The following NXPE4 variants were observed in gnomAD, a reference collection of about 807,000 sequenced individuals.
NXPE4 encodes the protein NXPE family member 4.
In NXPE4, 42 loss-of-function variants were observed where a neutral mutation model predicts 33.3. The observed-to-expected ratio is 1.26, with a 90% CI of 0.98 to 1.63. The LOEUF is 1.63. Ranked by LOEUF, NXPE4 falls within the 40% of genes most tolerant of loss-of-function variation. The probability of loss-of-function intolerance (pLI) is 0.00; values close to 1 mark genes in which losing one functional copy is unlikely to be tolerated. For missense variants in NXPE4, 709 were observed against 647.6 expected (o/e 1.09, Z -1.03); for synonymous variants, 253 against 234.9 (o/e 1.08, Z -0.71).
At chr11:114,651,785 C>G in the NXPE4 span, among the ~76,000 whole-genome samples, 1 of 152,090 alleles carries the variant, frequency 6.6e-6, no homozygotes, top group Non-Finnish European at 1.5e-5. Context: ...GTTTACAAAC[C>G]TTTAGCTAGA....
At chr11:114,615,395 C>T in the NXPE4 span, among the ~76,000 whole-genome samples, 8 of 151,708 alleles carry the variant, frequency 5.3e-5, no homozygotes, top group Admixed American at 1.3e-4. Flanking sequence ...AGTATTGCCT[C>T]GGTAACCACA....
chr11:114,571,181 T>C lies in NXPE4; in HGVS notation c.1392A>G (p.Arg464=), dbSNP rs773515238. Residue 464 remains arginine (R), a synonymous_variant, in exon 6 of 6, where the codon AGA becomes AGG. Transcript: ENST00000375478. ...VHKAIQHLLL[R]SPDTMVIIKT... is the part of the protein sequence containing the mutation. ...TGATGATAACCATAGTGTCTGGGCT[T>C]CTCAGAAGAAGATGCTGAATGGCTT... 1 of 1,614,020 alleles carries C rather than the reference T, an allele frequency of 6.2e-7. No homozygotes were observed. The highest frequency in any genetic ancestry group is 8.5e-7 in the Non-Finnish European group (1 of 1,179,954).
the NXPE4 span, among the ~76,000 whole-genome samples, chr11:114,632,074 ATAATAT>A: frequency 5.1e-5 from 5 of 97,860 alleles, no homozygotes; most frequent in African/African-American, 1.3e-4. Flanking sequence ...ATTGTATAGT[ATAATAT>A]TATTATATTG....
the NXPE4 span, among the ~76,000 whole-genome samples, chr11:114,633,633 G>A: frequency 7.0e-6 from 1 of 142,258 alleles, no homozygotes; most frequent in African/African-American, 2.6e-5. Flanking sequence ...GCCCACAACT[G>A]TCCCCAGAGT....
the NXPE4 span, among the ~76,000 whole-genome samples, chr11:114,635,860 G>A: frequency 2.6e-5 from 4 of 152,054 alleles, no homozygotes; most frequent in Admixed American, 6.6e-5. Flanking sequence ...TGCTGTATTC[G>A]GTTTGCCAGT....
rs535486997 is a variant in NXPE4, at chr11:114,586,363, G to A, written c.97-3342C>T. On this transcript the variant is annotated intron_variant, in intron 2 of 5. Transcript: ENST00000375478. ...TTATGGGAGCCCACCTGGGATCCGA[G>A]GAAGATTCATAGAAGGGGGAGTATA... Among the ~76,000 whole-genome samples, 3 of 152,300 alleles carry A rather than the reference G, an allele frequency of 2.0e-5. No homozygotes were observed. The South Asian group carries it at 6.2e-4, about 32-fold the overall frequency.
chr11:114,670,093 A>G, the NXPE4 span, among the ~76,000 whole-genome samples: 34 of 152,134 alleles, frequency 2.2e-4, no homozygotes, highest in Non-Finnish European at 4.6e-4. Context: ...GGTCTCAAAA[A>G]CTGCCCCTCA....
chr11:114,650,475 G>C, the NXPE4 span, among the ~76,000 whole-genome samples: 1 of 152,162 alleles, frequency 6.6e-6, no homozygotes, highest in Admixed American at 6.5e-5. Flanking sequence ...GGAAGTAATT[G>C]GCAGCAGCTA....
the NXPE4 span, among the ~76,000 whole-genome samples, chr11:114,651,652 A>C: frequency 6.6e-6 from 1 of 152,048 alleles, no homozygotes; most frequent in Non-Finnish European, 1.5e-5. Flanking sequence ...CAGACTTCTG[A>C]TTGGTCCGTT....
Position 114,580,116 on chromosome 11 carries a change from T to C in NXPE4, c.1099+16A>G. The C allele has an allele frequency of 6.2e-7, 1 of 1,600,740 alleles. No homozygotes were observed. Among genetic ancestry groups the C allele is most frequent in the Non-Finnish European group, 8.6e-7 (1 of 1,167,814 alleles). On this transcript the variant is annotated intron_variant, in intron 5 of 5. Coordinates refer to ENST00000375478, the MANE Select transcript of NXPE4 (RefSeq NM_001077639.2). ...TTCTGAAAGGGGTAAGAATTATAGC[T>C]TAGACTGAGGCATACTGTTGATACT...
At chr11:114,602,729 CAT>C in the NXPE4 span, among the ~76,000 whole-genome samples, 3 of 143,128 alleles carry the variant, frequency 2.1e-5, no homozygotes, top group Admixed American at 7.2e-5. Context: ...ATAATTATCT[CAT>C]ATATAATTAA....
chr11:114,631,888 T>C, the NXPE4 span, among the ~76,000 whole-genome samples: 2 of 151,006 alleles, frequency 1.3e-5, no homozygotes, highest in Non-Finnish European at 3.0e-5. Flanking sequence ...ACCCAGTGGA[T>C]AATAAGTATT....
At chr11:114,602,958 TAC>T in the NXPE4 span, among the ~76,000 whole-genome samples, 1 of 150,212 alleles carries the variant, frequency 6.7e-6, no homozygotes, top group African/African-American at 2.4e-5. Context: ...TTATCTCATA[TAC>T]AATTACAGAA....
the NXPE4 span, among the ~76,000 whole-genome samples, chr11:114,628,409 T>C: frequency 4.6e-5 from 7 of 152,118 alleles, no homozygotes; most frequent in Non-Finnish European, 8.8e-5. Context: ...ACAACCTGCT[T>C]CTGAATGACT....
chr11:114,651,259 G>A, the NXPE4 span, among the ~76,000 whole-genome samples: 2 of 152,006 alleles, frequency 1.3e-5, no homozygotes, highest in Admixed American at 6.6e-5. Flanking sequence ...GATGTGTCCG[G>A]AGTTTCTTCC....
the NXPE4 span, among the ~76,000 whole-genome samples, chr11:114,675,110 G>GA: frequency 6.6e-6 from 1 of 151,428 alleles, no homozygotes; most frequent in Admixed American, 6.6e-5. Context: ...CTTTTCATGA[G>GA]AAAAAAACTC....
chr11:114,666,267 C>T, the NXPE4 span, among the ~76,000 whole-genome samples: 1 of 152,156 alleles, frequency 6.6e-6, no homozygotes, highest in African/African-American at 2.4e-5. Flanking sequence ...CCTGGGCTCA[C>T]AGCAGCATTT....
At chr11:114,606,131 T>C in the NXPE4 span, among the ~76,000 whole-genome samples, 2 of 147,922 alleles carry the variant, frequency 1.4e-5, no homozygotes, top group African/African-American at 2.5e-5. Context: ...ATAAGTATTG[T>C]CTCTAGGGTA....
chr11:114,586,659 G>T (rs1346332013), intron 2 of NXPE4, among the ~76,000 whole-genome samples: 2 of 152,114 alleles, frequency 1.3e-5, no homozygotes, highest in African/African-American at 2.4e-5. Context: ...GGCACTGAAG[G>T]TTCCTTGCCA....
Sources: allele counts gnomAD v4.1 joint callset (sites outside exome capture counted in the v4.1 genomes callset), GRCh38; gene constraint gnomAD v4.1.1; transcripts MANE v1.5; gene names NCBI Gene and HGNC (gene_info 2026-07-23, HGNC 2026-07-21).